Variants in MAGI1 observed in about 807,000 individuals in gnomAD.
MAGI1 encodes the protein membrane associated guanylate kinase, WW and PDZ domain containing 1.
In MAGI1, 58 loss-of-function variants were observed where a neutral mutation model predicts 139.9. The ratio of observed to expected loss-of-function variants is 0.41; its 90% confidence interval spans 0.34 to 0.52. The LOEUF (loss-of-function observed/expected upper bound fraction) is 0.52. Ranked by LOEUF, MAGI1 falls within the 20% of genes least tolerant of loss-of-function variation. The pLI is 0.12. For missense variants in MAGI1, 1,874 were observed against 1,901.6 expected (o/e 0.99, Z 0.27); for synonymous variants, 812 against 737.9 (o/e 1.10, Z -1.63).
chr3:65,945,009 T>C (rs1021895550), intron 1 of MAGI1, among the ~76,000 whole-genome samples: 3 of 152,172 alleles, frequency 2.0e-5, no homozygotes, highest in Non-Finnish European at 4.4e-5. Flanking sequence ...ACCAAATTCA[T>C]CCATCACGTT....
chr3:65,560,146 T>G (rs1044697206), intron 2 of MAGI1, among the ~76,000 whole-genome samples: 7 of 152,206 alleles, frequency 4.6e-5, no homozygotes, highest in Non-Finnish European at 1.0e-4. Flanking sequence ...CACTGTGAAA[T>G]TAATAATACT....
intron 6 of MAGI1, chr3:65,448,260 A>G (rs1948797188): frequency 3.3e-6 from 2 of 601,200 alleles, no homozygotes; most frequent in East Asian, 2.8e-5. Context: ...AAGAGCTGAT[A>G]TTGGCAAAAT....
chr3:65,721,475 A>C (rs752351598), intron 1 of MAGI1, among the ~76,000 whole-genome samples: 1 of 152,210 alleles, frequency 6.6e-6, no homozygotes, highest in South Asian at 2.1e-4. Flanking sequence ...CCCTAGTTAC[A>C]TTAAACTTGA....
intron 4 of MAGI1, among the ~76,000 whole-genome samples, chr3:65,475,117 C>T (rs1178897910): frequency 6.6e-6 from 1 of 151,914 alleles, no homozygotes; most frequent in Non-Finnish European, 1.5e-5. Context: ...AAAAAAAAAG[C>T]CTAGAAACAT....
At chr3:65,450,088 T>C (rs1948936885) in intron 6 of MAGI1, among the ~76,000 whole-genome samples, 1 of 152,090 alleles carries the variant, frequency 6.6e-6, no homozygotes, top group Non-Finnish European at 1.5e-5. Context: ...AAGAGAGAAA[T>C]GCACATTTAA....
At chr3:65,984,084 A>C (rs2065742132) in intron 1 of MAGI1, among the ~76,000 whole-genome samples, 1 of 152,188 alleles carries the variant, frequency 6.6e-6, no homozygotes, top group Non-Finnish European at 1.5e-5. Context: ...ACCTGAGGTC[A>C]GGAGTTCAAG....
chr3:65,777,708 C>A (rs1559872841), intron 1 of MAGI1, among the ~76,000 whole-genome samples: 1 of 151,470 alleles, frequency 6.6e-6, no homozygotes, highest in Non-Finnish European at 1.5e-5. Flanking sequence ...GTTCGGTCTC[C>A]TAAAAGATAG....
chr3:65,862,564 T>G (rs1396103024), intron 1 of MAGI1, among the ~76,000 whole-genome samples: 1 of 152,220 alleles, frequency 6.6e-6, no homozygotes, highest in African/African-American at 2.4e-5. Context: ...GCCTCACATG[T>G]AACGTGGTGG....
intron 2 of MAGI1, among the ~76,000 whole-genome samples, chr3:65,591,099 T>G (rs1190062817): frequency 2.6e-5 from 4 of 152,238 alleles, no homozygotes; most frequent in Admixed American, 1.3e-4. Context: ...ATTCAAAAAC[T>G]GGGGAATGTT....
At chr3:65,363,988 C>G (rs1358490147) in intron 20 of MAGI1, among the ~76,000 whole-genome samples, 2 of 151,888 alleles carry the variant, frequency 1.3e-5, no homozygotes, top group African/African-American at 4.8e-5. Flanking sequence ...CAAAACCTCT[C>G]CAAATCCTGA....
At chr3:65,593,248 A>T (rs2082045178) in intron 2 of MAGI1, among the ~76,000 whole-genome samples, 1 of 152,148 alleles carries the variant, frequency 6.6e-6, no homozygotes, top group Non-Finnish European at 1.5e-5. Flanking sequence ...TCCACAATTA[A>T]TGAGAAAATT....
intron 13 of MAGI1, among the ~76,000 whole-genome samples, chr3:65,395,887 G>A (rs1405418820): frequency 2.0e-5 from 3 of 151,990 alleles, no homozygotes; most frequent in Non-Finnish European, 4.4e-5. Flanking sequence ...CTACTGGGTG[G>A]TGAATGGATT....
At chr3:65,867,670 A>G (rs1056697481) in intron 1 of MAGI1, among the ~76,000 whole-genome samples, 2 of 152,132 alleles carry the variant, frequency 1.3e-5, no homozygotes, top group Non-Finnish European at 2.9e-5. Flanking sequence ...GGAGAATTAC[A>G]TGAGCCTAGA....
At chr3:65,505,437 G>A (rs573581152) in intron 2 of MAGI1, among the ~76,000 whole-genome samples, 8 of 150,598 alleles carry the variant, frequency 5.3e-5, no homozygotes, top group Non-Finnish European at 7.4e-5. Context: ...GGTAGCTCAC[G>A]AGTTCAAGAC....
chr3:66,020,916 G>A (rs146545786), intron 1 of MAGI1, among the ~76,000 whole-genome samples: 55 of 152,236 alleles, frequency 3.6e-4, no homozygotes, highest in Middle Eastern at 6.8e-3. Flanking sequence ...ACCATATGCT[G>A]AGCTTAAGAA....
At chr3:65,717,448 T>C (rs1038688637) in intron 1 of MAGI1, 2 of 152,170 alleles carry the variant, frequency 1.3e-5, no homozygotes, top group South Asian at 2.1e-4. Flanking sequence ...ATATACACTT[T>C]AGTTACATAC....
rs140678293 is a variant in MAGI1 at position 65,508,730 on chromosome 3, T to C, written c.431-15099A>G. On this transcript the variant is annotated intron_variant, in intron 2 of 22. Coordinates refer to ENST00000402939, the MANE Select transcript of MAGI1 (RefSeq NM_001033057.2). ...AGAGATAATTTTCATTAAAAGGAAA[T>C]GGATACCTTTGTTGTGACATATAAA... 9.4e-4 allele frequency among the ~76,000 whole-genome samples: 143 copies of C among 152,294 alleles called. 2 individuals carry two copies. The East Asian group carries it at 0.026, about 28-fold the overall frequency.
chr3:65,888,011 C>T (rs550790282), intron 1 of MAGI1, among the ~76,000 whole-genome samples: 6 of 152,244 alleles, frequency 3.9e-5, no homozygotes, highest in African/African-American at 1.4e-4. Flanking sequence ...ATGGTATATT[C>T]TGTGTTTCAT....
At chr3:65,900,787 A>C (rs1005588461) in intron 1 of MAGI1, among the ~76,000 whole-genome samples, 1 of 152,222 alleles carries the variant, frequency 6.6e-6, no homozygotes, top group Non-Finnish European at 1.5e-5. Context: ...CCACAGGTGC[A>C]GACATCTGAC....
Sources: gnomAD v4.1 joint callset for allele counts (sites outside exome capture counted in the v4.1 genomes callset) on GRCh38, gnomAD v4.1.1 for gene constraint, MANE v1.5 for transcripts, NCBI Gene and HGNC (gene_info 2026-07-23, HGNC 2026-07-21) for gene names.